The following WDR76 variants were observed in gnomAD, a reference collection of about 807,000 sequenced individuals.
WDR76 encodes the protein WD repeat domain 76.
In WDR76, 52 loss-of-function variants were observed where a neutral mutation model predicts 70.2. The ratio of observed to expected loss-of-function variants is 0.74; its 90% CI spans 0.59 to 0.93. The LOEUF is 0.93. Ranked by LOEUF, WDR76 falls within the 40% of genes least tolerant of loss-of-function variation. The pLI, the probability that WDR76 is intolerant of heterozygous loss-of-function variation, is 0.00. For missense variants in WDR76, 756 were observed against 760.2 expected, an observed-to-expected ratio of 0.99 and a Z score of 0.07; for synonymous variants, 292 against 271.1, an observed-to-expected ratio of 1.08 and a Z score of -0.76.
At chr15:43,856,267 T>C (rs2087925591) in intron 9 of WDR76, among the ~76,000 whole-genome samples, 3 of 152,168 alleles carry the variant, frequency 2.0e-5, no homozygotes, top group South Asian at 4.1e-4. Flanking sequence ...CTTAGTGAAA[T>C]TACTGGGTCA....
At chr15:43,863,600 C>T (rs933353284) in intron 12 of WDR76, among the ~76,000 whole-genome samples, 7 of 151,872 alleles carry the variant, frequency 4.6e-5, no homozygotes, top group Non-Finnish European at 5.9e-5. Context: ...CGCTCCCTTG[C>T]CCAGTATGGA....
chr15:43,849,127 A>G (rs1030953081), intron 8 of WDR76, among the ~76,000 whole-genome samples: 6 of 149,860 alleles, frequency 4.0e-5, no homozygotes, highest in African/African-American at 1.5e-4. Flanking sequence ...GTGAGCTGAG[A>G]TCGTGCCACT....
chr15:43,848,498 A>G (rs2087816135), intron 8 of WDR76, among the ~76,000 whole-genome samples: 1 of 152,190 alleles, frequency 6.6e-6, no homozygotes, highest in Non-Finnish European at 1.5e-5. Context: ...GGAATGGGGA[A>G]ATAGTTGCTG....
At chr15:43,856,021 T>G (rs1352948658) in intron 9 of WDR76, among the ~76,000 whole-genome samples, 4 of 152,216 alleles carry the variant, frequency 2.6e-5, no homozygotes, top group Non-Finnish European at 5.9e-5. Flanking sequence ...TTTTTTCTCC[T>G]CTTCTTTATA....
At chr15:43,853,690 G>A (rs1261925128) in intron 9 of WDR76, among the ~76,000 whole-genome samples, 2 of 152,002 alleles carry the variant, frequency 1.3e-5, no homozygotes, top group Non-Finnish European at 2.9e-5. Context: ...TGGATCACCT[G>A]AGGTCAGGAA....
In WDR76 at chr15:43,827,053, G is replaced by A. The variant is rs760315471; in HGVS notation, c.21G>A (p.Ala7=). The A allele has an allele frequency of 1.9e-6, 3 of 1,614,160 alleles. No homozygotes were observed. Among genetic ancestry groups the A allele is most frequent in the Non-Finnish European group, 2.5e-6 (3 of 1,180,020 alleles). Reference sequence around the variant, plus strand: ...GAAAGATGTCCAGGTCGGGCGCGGCGGCTGAGAAGGCGGACTCCAGACAGC... The same window carrying A: ...GAAAGATGTCCAGGTCGGGCGCGGCAGCTGAGAAGGCGGACTCCAGACAGC... MSRSGA[A]AEKADSRQRP... is the part of the protein sequence containing the mutation. Residue 7 remains alanine (A), a synonymous_variant, in exon 1 of 13, where the codon GCG becomes GCA. Coordinates refer to ENST00000263795, the MANE Select transcript of WDR76 (RefSeq NM_024908.4).
intron 9 of WDR76, 53 bp downstream of exon 9, chr15:43,851,298 G>A (rs1007329424): frequency 7.6e-6 from 12 of 1,588,106 alleles, no homozygotes; most frequent in African/African-American, 6.7e-5. Context: ...TAGATTCTTC[G>A]AAATGCCACA....
chr15:43,833,441 C>T (rs1225725298), intron 2 of WDR76, among the ~76,000 whole-genome samples: 1 of 151,348 alleles, frequency 6.6e-6, no homozygotes, highest in Non-Finnish European at 1.5e-5. Flanking sequence ...GCCTCAGCCT[C>T]CTGTGTAGCT....
At position 43,835,085 on chromosome 15, in the gene WDR76, G is replaced by C. The variant is rs748412917; in HGVS notation, c.487G>C (p.Glu163Gln). The change falls in exon 3 of 13, where the codon GAA becomes CAA. Residue 163 changes from glutamate to glutamine, a missense_variant. By Grantham distance (29) the Glu-to-Gln change is conservative. Transcript: ENST00000263795. ...GGATTTTTCGGGATTGTCACCCTAC[G>C]AAAGGAAGAGACTGAAGAACATATC... The part of the protein sequence containing the change: ...SLDFSGLSPY[E>Q]RKRLKNISEN... The C allele has an allele frequency of 2.2e-5, 36 of 1,613,962 alleles. No homozygotes were observed. The highest frequency in any genetic ancestry group is 2.8e-5 in the Non-Finnish European group (33 of 1,180,004).
At chr15:43,861,103 A>G (rs1000309862) in intron 11 of WDR76, among the ~76,000 whole-genome samples, 5 of 150,996 alleles carry the variant, frequency 3.3e-5, no homozygotes, top group Non-Finnish European at 5.9e-5. Context: ...AATTTTTTGT[A>G]CAGATGGGTC....
intron 9 of WDR76, among the ~76,000 whole-genome samples, chr15:43,852,287 A>C (rs528258978): frequency 6.6e-5 from 10 of 151,706 alleles, no homozygotes; most frequent in African/African-American, 2.4e-4. Flanking sequence ...AGGTTCAAGC[A>C]ATTCTTCTGC....
At chr15:43,838,931 A>G (rs751791643) in intron 4 of WDR76, among the ~76,000 whole-genome samples, 4 of 152,158 alleles carry the variant, frequency 2.6e-5, no homozygotes, top group Non-Finnish European at 4.4e-5. Context: ...TATATAGTAT[A>G]CTTTCAATCA....
chr15:43,855,689 G>C (rs554949283), intron 9 of WDR76, among the ~76,000 whole-genome samples: 1 of 151,888 alleles, frequency 6.6e-6, no homozygotes, highest in Non-Finnish European at 1.5e-5. Context: ...ACTTAATAAC[G>C]TGCTCATGAT....
chr15:43,836,917 T>G (rs2087663117), intron 4 of WDR76, among the ~76,000 whole-genome samples: 1 of 151,472 alleles, frequency 6.6e-6, no homozygotes, highest in South Asian at 2.1e-4. Flanking sequence ...GGCACATGTC[T>G]GAATCCCAGC....
chr15:43,860,910 CTTTTTTT>C (rs34504509), intron 11 of WDR76, among the ~76,000 whole-genome samples: 21 of 79,016 alleles, frequency 2.7e-4, no homozygotes, highest in East Asian at 7.3e-4. Context: ...TGATCTTACT[CTTTTTTT>C]TTTTTTTTTT....
chr15:43,846,688 A>G (rs368661577), intron 8 of WDR76, among the ~76,000 whole-genome samples: 3 of 152,224 alleles, frequency 2.0e-5, no homozygotes, highest in African/African-American at 7.2e-5. Context: ...TAAGACATAC[A>G]TAAAAATCCT....
intron 2 of WDR76, among the ~76,000 whole-genome samples, chr15:43,828,933 C>T (rs1025563261): frequency 6.0e-5 from 9 of 149,766 alleles, no homozygotes; most frequent in South Asian, 4.2e-4. Context: ...GACAGAGTCT[C>T]GCTCTGTCGC....
At chr15:43,845,313 C>G (rs1032846229) in intron 8 of WDR76, among the ~76,000 whole-genome samples, 6 of 149,930 alleles carry the variant, frequency 4.0e-5, no homozygotes, top group African/African-American at 1.5e-4. Context: ...TTTTGTCTTC[C>G]CCAAAATTCA....
intron 2 of WDR76, among the ~76,000 whole-genome samples, chr15:43,834,761 T>C (rs1471445907): frequency 6.6e-6 from 1 of 152,158 alleles, no homozygotes; most frequent in Non-Finnish European, 1.5e-5. Flanking sequence ...ATAACTTTTG[T>C]GTAATAGTAC....
Sources: gnomAD v4.1 joint callset for allele counts (sites outside exome capture counted in the v4.1 genomes callset) on GRCh38, gnomAD v4.1.1 for gene constraint, MANE v1.5 for transcripts, NCBI Gene and HGNC (gene_info 2026-07-23, HGNC 2026-07-21) for gene names.